TTL: variants seen among roughly 807,000 people sequenced by gnomAD.
The protein encoded by TTL is tubulin tyrosine ligase.
Under a neutral mutation model 41.1 loss-of-function variants are expected in TTL, and 10 were observed. The observed-to-expected ratio is 0.24, with a 90% CI of 0.15 to 0.41. The LOEUF (loss-of-function observed/expected upper bound fraction) is 0.41, where lower values mean the gene tolerates loss of function less well. Among genes scored for constraint, TTL ranks in the 10% least tolerant of loss-of-function variants. The pLI, the probability that TTL is intolerant of heterozygous loss-of-function variation, is 1.00. For missense variants in TTL, 367 were observed against 460.4 expected, an observed-to-expected ratio of 0.80 and a Z score of 1.86; for synonymous variants, 175 against 175.5, an observed-to-expected ratio of 1.00 and a Z score of 0.02.
Position 112,537,811 on chromosome 2 carries a change from CT to C in TTL, c.*9017del, listed in dbSNP as rs1682626793. 1 of 152,138 alleles carries C rather than the reference CT, an allele frequency of 6.6e-6. No individual in the cohort carries two copies. Among genetic ancestry groups the C allele is most frequent in the Non-Finnish European group, 1.5e-5 (1 of 68,036 alleles). The allele number at this position is 152,138 out of a possible 1,614,324, so 9.4% of individuals were successfully genotyped here. ...CCTCAAAACTCCATTTCAATAATAG[CT>C]AGAGCAACTAGGCAGAAGATCAACA... On this transcript the variant is annotated 3_prime_UTR_variant, in exon 7 of 7. Transcript: ENST00000233336.
At chr2:112,498,263 C>T (rs920683255) in intron 3 of TTL, among the ~76,000 whole-genome samples, 1 of 152,014 alleles carries the variant, frequency 6.6e-6, no homozygotes, top group African/African-American at 2.4e-5. Context: ...GCAGAGGTTG[C>T]AGTGAGCTGA....
chr2:112,499,705 A>T (rs61050575), intron 3 of TTL, among the ~76,000 whole-genome samples: 1,729 of 152,324 alleles, frequency 0.011, 27 homozygotes, highest in African/African-American at 0.033. Context: ...GGGTGAAAGG[A>T]TTTTTAAGTC....
intron 6 of TTL, 108 bp downstream of exon 6, chr2:112,520,533 A>C: frequency 2.1e-6 from 3 of 1,455,986 alleles, no homozygotes; most frequent in Non-Finnish European, 2.8e-6. Flanking sequence ...GGAGGATGCC[A>C]CAGTGATAGG....
Position 112,528,826 on chromosome 2 carries a change from G to C in TTL, c.*31G>C. The C allele has an allele frequency of 6.5e-7, 1 of 1,529,772 alleles. No individual in the cohort carries two copies. The highest frequency in any genetic ancestry group is 9.1e-7 in the Non-Finnish European group (1 of 1,103,078). The allele number at this position is 1,529,772 out of a possible 1,614,324, so 94.8% of individuals were successfully genotyped here. On this transcript the variant is annotated 3_prime_UTR_variant, in exon 7 of 7. Coordinates refer to ENST00000233336, the MANE Select transcript of TTL (RefSeq NM_153712.5). ...GGCACTCCCTGCTGCCTTGGAAAAA[G>C]CACGGGGTCCTGCTCCAGGGAATGG...
intron 6 of TTL, among the ~76,000 whole-genome samples, chr2:112,525,700 G>A (rs1349166010): frequency 2.6e-5 from 4 of 152,152 alleles, no homozygotes; most frequent in African/African-American, 7.2e-5. Flanking sequence ...AGATGATGGG[G>A]TTTTCTAAAT....
chr2:112,541,438 CG>C lies in TTL; in HGVS notation c.*12645del, dbSNP rs1219357228. On this transcript the variant is annotated 3_prime_UTR_variant, in exon 7 of 7. Coordinates refer to ENST00000233336, the MANE Select transcript of TTL (RefSeq NM_153712.5). ...GCAAGGCGAGAGGATCACTAGAGGC[CG>C]GAAGTTCAAGACCAGCCTGTGCAAC... The C allele has an allele frequency of 1.3e-5, 2 of 151,974 alleles. No homozygotes were observed. The highest frequency in any genetic ancestry group is 4.8e-5 in the African/African-American group (2 of 41,350). 9.4% of individuals were successfully genotyped at this position (151,974 alleles called of 1,614,324 possible).
chr2:112,533,807 T>C lies in TTL; in HGVS notation c.*5012T>C, dbSNP rs1391062842. 1 of 152,208 alleles carries C rather than the reference T, an allele frequency of 6.6e-6. No individual in the cohort carries two copies. Among genetic ancestry groups the C allele is most frequent in the Admixed American group, 6.5e-5 (1 of 15,288 alleles). The allele number at this position is 152,208 out of a possible 1,614,324, so 9.4% of individuals were successfully genotyped here. A position where few individuals can be genotyped will look rare whatever the true frequency, so the allele number is the denominator to read the frequency against. On this transcript the variant is annotated 3_prime_UTR_variant, in exon 7 of 7. Coordinates refer to ENST00000233336, the MANE Select transcript of TTL (RefSeq NM_153712.5). ...GATTAAGTTTCCAACACATTTACTT[T>C]GGGGAACACATTCAAACCATAGCAG...
Position 112,536,242 on chromosome 2 carries a change from T to TG in TTL, c.*7447_*7448insG, listed in dbSNP as rs1304874574. ...GTGCAGATATCTCTCCAAAAAAAAT[T>TG]TTTTTTTTTTTAGAGATAGGGTCGT... On this transcript the variant is annotated 3_prime_UTR_variant, in exon 7 of 7. Coordinates refer to ENST00000233336, the MANE Select transcript of TTL (RefSeq NM_153712.5). 6.7e-6 allele frequency: 1 copy of TG among 149,784 alleles called. No homozygotes were observed. The highest frequency in any genetic ancestry group is 1.9e-4 in the East Asian group (1 of 5,144). The allele number at this position is 149,784 out of a possible 1,614,324, so 9.3% of individuals were successfully genotyped here.
chr2:112,512,065 G>A (rs981527991), intron 5 of TTL, among the ~76,000 whole-genome samples: 5 of 151,776 alleles, frequency 3.3e-5, no homozygotes, highest in African/African-American at 9.7e-5. Flanking sequence ...GCATATAGTT[G>A]GGTTTTGTAT....
intron 5 of TTL, among the ~76,000 whole-genome samples, chr2:112,509,318 C>T (rs1196856845): frequency 3.2e-4 from 48 of 151,220 alleles, no homozygotes; most frequent in South Asian, 1.3e-3. Context: ...GCAGGCAGGC[C>T]TCCTTGAGCT....
intron 1 of TTL, among the ~76,000 whole-genome samples, chr2:112,484,354 C>T (rs574333932): frequency 2.0e-5 from 3 of 151,700 alleles, no homozygotes; most frequent in Non-Finnish European, 2.9e-5. Context: ...ACCTCTCCCT[C>T]CTGGGTTCAA....
intron 5 of TTL, among the ~76,000 whole-genome samples, chr2:112,511,982 C>CATTCTATTCTATTCT (rs3057723): frequency 2.0e-5 from 3 of 151,070 alleles, no homozygotes; most frequent in African/African-American, 4.9e-5. Context: ...CTTTTATTTT[C>CATTCTATTCTATTCT]ATTCTATTCT....
intron 6 of TTL, 140 bp from the exon 7 acceptor site, chr2:112,528,541 A>T: frequency 1.5e-6 from 1 of 652,332 alleles, no homozygotes; most frequent in Non-Finnish European, 2.7e-6. Context: ...TTGAGGCTGC[A>T]GTGTATGTAC....
At chr2:112,497,055 C>T (rs1216566293) in intron 3 of TTL, among the ~76,000 whole-genome samples, 12 of 151,690 alleles carry the variant, frequency 7.9e-5, no homozygotes, top group African/African-American at 2.7e-4. Context: ...CTCCTGACCT[C>T]GTGATCCGCC....
In TTL at chr2:112,485,092, G is replaced by A. The variant is rs930952590; in HGVS notation, c.158-825G>A. 4.6e-5 allele frequency among the ~76,000 whole-genome samples: 7 copies of A among 152,112 alleles called. No individual in the cohort carries two copies. The East Asian group carries it at 7.7e-4, about 17-fold the overall frequency. On this transcript the variant is annotated intron_variant, in intron 1 of 6. Transcript: ENST00000233336. ...AGCCTCCCAAGTAGCTAGAATTACC[G>A]GTGTGCGCCACCACGCCCAGCTAGT...
intron 2 of TTL, among the ~76,000 whole-genome samples, chr2:112,486,675 G>C (rs6718426): frequency 0.95 from 144,958 of 152,252 alleles, 69,441 homozygotes; most frequent in East Asian, 1. Flanking sequence ...GATCTAGGGT[G>C]AAAAGTGTAA....
At position 112,539,177 on chromosome 2, in the gene TTL, G is replaced by T. The variant is rs1682662702; in HGVS notation, c.*10382G>T. 6.7e-6 allele frequency: 1 copy of T among 149,290 alleles called. No individual in the cohort carries two copies. Among genetic ancestry groups the T allele is most frequent in the Non-Finnish European group, 1.5e-5 (1 of 67,608 alleles). The allele number at this position is 149,290 out of a possible 1,614,324, so 9.2% of individuals were successfully genotyped here. A position where few individuals can be genotyped will look rare whatever the true frequency, so the allele number is the denominator to read the frequency against. ...ACTGGGGACTACTAGAGCCAGGAGA[G>T]AAGGAGGGGAGCAAAGATTGAAAAC... On this transcript the variant is annotated 3_prime_UTR_variant, in exon 7 of 7. Coordinates refer to ENST00000233336, the MANE Select transcript of TTL (RefSeq NM_153712.5).
Position 112,528,760 on chromosome 2 carries a change from C to T in TTL, c.1099C>T (p.Pro367Ser). ...CTTCCCACCCCCAGATGTGGAGCAA[C>T]CTCAGACCCAGCCAGCTGCCTTCAT... Reference protein sequence around the residue: ...SVFPPPDVEQPQTQPAAFIKL With the variant: ...SVFPPPDVEQSQTQPAAFIKL Residue 367 changes from proline to serine, a missense_variant, in exon 7 of 7, where the codon CCT becomes TCT. By Grantham distance (74) the Pro-to-Ser change is moderately conservative. Transcript: ENST00000233336. 1.2e-6 allele frequency: 2 copies of T among 1,614,162 alleles called. No individual in the cohort carries two copies. Among genetic ancestry groups the T allele is most frequent in the South Asian group, 2.2e-5 (2 of 91,084 alleles).
At chr2:112,520,613 T>TTGTA (rs879724533) in intron 6 of TTL, 188 bp downstream of exon 6, 286,248 of 718,860 alleles carry the variant, frequency 0.4, 57,642 homozygotes, top group East Asian at 0.56. Flanking sequence ...TCCCCGTGTA[T>TTGTA]AGGCCAGATA....
Sources: gnomAD v4.1 joint callset for allele counts (sites outside exome capture counted in the v4.1 genomes callset) on GRCh38, gnomAD v4.1.1 for gene constraint, MANE v1.5 for transcripts, NCBI Gene and HGNC (gene_info 2026-07-23, HGNC 2026-07-21) for gene names.